Variants in VPS13D observed in about 807,000 individuals in gnomAD.
VPS13D encodes the protein intermembrane lipid transfer protein VPS13D.
In VPS13D, 187 loss-of-function variants were observed where a neutral mutation model predicts 461.9. That is an observed-to-expected ratio of 0.40 (90% confidence interval 0.36 to 0.46). VPS13D has a LOEUF of 0.46. Ranked by LOEUF, VPS13D falls within the 20% of genes least tolerant of loss-of-function variation. The pLI is 0.60. For missense variants in VPS13D, 4,711 were observed against 5,364.9 expected (o/e 0.88, Z 3.81); for synonymous variants, 1,951 against 1,986.3 (o/e 0.98, Z 0.47).
At chr1:12,490,809 G>A (rs1184915197) in intron 67 of VPS13D, among the ~76,000 whole-genome samples, 1 of 151,860 alleles carries the variant, frequency 6.6e-6, no homozygotes, top group Non-Finnish European at 1.5e-5. Flanking sequence ...GGGAGCTACA[G>A]GTCCAAGACA....
chr1:12,308,414 T>G lies in VPS13D; in HGVS notation c.6440-17T>G. 6.2e-7 allele frequency: 1 copy of G among 1,613,930 alleles called. No individual in the cohort carries two copies. ...TCCCCTTTTCTTCATTACCTCTCTTTCCTTGGGTCCTTGTAGAAGACCATG... is the reference window on the plus strand; with the variant it reads ...TCCCCTTTTCTTCATTACCTCTCTTGCCTTGGGTCCTTGTAGAAGACCATG... On this transcript the variant is annotated splice_polypyrimidine_tract_variant and intron_variant, in intron 26 of 69. Coordinates refer to ENST00000620676, the MANE Select transcript of VPS13D (RefSeq NM_015378.4).
At chr1:12,399,532 A>G (rs1479298926) in intron 60 of VPS13D, among the ~76,000 whole-genome samples, 1 of 151,910 alleles carries the variant, frequency 6.6e-6, no homozygotes, top group Admixed American at 6.6e-5. Context: ...AAAATTGTGT[A>G]TAGTTGGCTG....
chr1:12,269,956 G>C (rs2101329448), intron 16 of VPS13D, among the ~76,000 whole-genome samples: 1 of 152,104 alleles, frequency 6.6e-6, no homozygotes, highest in Non-Finnish European at 1.5e-5. Flanking sequence ...AGACTAGCCT[G>C]GGCAACATAG....
chr1:12,349,709 A>C (rs765345923), intron 46 of VPS13D, among the ~76,000 whole-genome samples: 3 of 152,210 alleles, frequency 2.0e-5, no homozygotes, highest in Non-Finnish European at 4.4e-5. Context: ...TCATTCCAAA[A>C]TTGGAAAGCA....
At chr1:12,263,797 A>C (rs235209) in intron 13 of VPS13D, among the ~76,000 whole-genome samples, 3 of 152,210 alleles carry the variant, frequency 2.0e-5, no homozygotes, top group African/African-American at 7.2e-5. Context: ...TGAATTGAAA[A>C]GGCACTATTT....
chr1:12,392,600 C>T (rs754553401), intron 60 of VPS13D, among the ~76,000 whole-genome samples: 3 of 150,694 alleles, frequency 2.0e-5, no homozygotes, highest in Non-Finnish European at 2.9e-5. Flanking sequence ...GTTCAGGTTG[C>T]GTGGTGACTT....
At chr1:12,339,007 G>A (rs1227498618) in intron 40 of VPS13D, among the ~76,000 whole-genome samples, 1 of 151,938 alleles carries the variant, frequency 6.6e-6, no homozygotes, top group Non-Finnish European at 1.5e-5. Context: ...CAGATTATTC[G>A]TCATGATTTT....
intron 50 of VPS13D, among the ~76,000 whole-genome samples, chr1:12,359,649 C>G (rs1007295782): frequency 3.9e-5 from 6 of 152,106 alleles, no homozygotes; most frequent in Non-Finnish European, 8.8e-5. Context: ...CATGGAGAAT[C>G]AAAGATATGT....
chr1:12,504,452 C>T (rs1313906475), intron 68 of VPS13D, among the ~76,000 whole-genome samples: 1 of 152,228 alleles, frequency 6.6e-6, no homozygotes. Context: ...CCTGGACTTA[C>T]AGGACAGAGA....
chr1:12,432,299 A>G (rs560947488), intron 65 of VPS13D, among the ~76,000 whole-genome samples: 29 of 151,878 alleles, frequency 1.9e-4, no homozygotes, highest in African/African-American at 6.8e-4. Context: ...AGGCTGAGGC[A>G]GGAGAGTCGC....
Position 12,279,981 on chromosome 1 carries a change from C to T in VPS13D, c.4602+331C>T, listed in dbSNP as rs1471041865. Among the ~76,000 whole-genome samples, 1 of 152,170 alleles carries T rather than the reference C, an allele frequency of 6.6e-6. No individual in the cohort carries two copies. The highest frequency in any genetic ancestry group is 1.5e-5 in the Non-Finnish European group (1 of 68,026). ...CCAGGAGGATATCATTCTTGTCACA[C>T]TTAGACATACTTAACACAGCCAGTG... On this transcript the variant is annotated intron_variant, in intron 20 of 69. Coordinates refer to ENST00000620676, the MANE Select transcript of VPS13D (RefSeq NM_015378.4). The surrounding 1 kb of genome is among the most constrained non-coding windows in gnomAD (Gnocchi z 4.3).
At position 12,276,683 on chromosome 1, in the gene VPS13D, C is replaced by A; in HGVS notation, c.3095C>A (p.Thr1032Lys). Residue 1032 changes from threonine (T) to lysine (K), a missense_variant, in exon 19 of 70, where the codon ACG becomes AAG. This residue lies in a region of VPS13D where 4,411 missense variants were observed against 4,937.8 expected (regional missense o/e 0.89). Transcript: ENST00000620676. This position sits in a 1 kb window ranked among gnomAD's most constrained non-coding sequence, Gnocchi z 4.5. ...SHKNLSFDIPTGSLRDSRAQS... is the reference protein window; with the variant it reads ...SHKNLSFDIPKGSLRDSRAQS... ...AAGAACTTGAGCTTTGATATTCCAA[C>A]GGGAAGCCTTCGGGATAGCAGGGCC... 6.2e-7 allele frequency: 1 copy of A among 1,614,146 alleles called. No individual in the cohort carries two copies. The highest frequency in any genetic ancestry group is 8.5e-7 in the Non-Finnish European group (1 of 1,180,030).
chr1:12,425,724 G>A (rs1170030656), intron 65 of VPS13D, among the ~76,000 whole-genome samples: 2 of 151,956 alleles, frequency 1.3e-5, no homozygotes, highest in East Asian at 3.9e-4. Context: ...AGGGAGGGAG[G>A]GAGGGAAGGA....
At chr1:12,278,059 G>T (rs368828920) in intron 19 of VPS13D, 21 bp downstream of exon 19, 1 of 1,576,304 alleles carries the variant, frequency 6.3e-7, no homozygotes, top group South Asian at 1.2e-5. Context: ...TCAGTCTTTT[G>T]TTCTATTTTG....
rs72868217 is a variant in VPS13D, at chr1:12,352,455, G to C, written c.9432-1519G>C. On this transcript the variant is annotated intron_variant, in intron 46 of 69. Transcript: ENST00000620676. ...GACAATTTACAGAAGAAAATACCCA[G>C]CCAATAGACAAATGGAAAGATGCTC... Among the ~76,000 whole-genome samples, 716 of 152,248 alleles carry C rather than the reference G, an allele frequency of 4.7e-3. 5 individuals carry two copies. The highest frequency in any genetic ancestry group is 0.016 in the African/African-American group (676 of 41,560).
rs1642633512 is a variant in VPS13D at position 12,308,483 on chromosome 1, C to T, written c.6492C>T (p.Asp2164=). ...TTGTCGTGGATCTCCAGGACATGGA[C>T]ATCTTTGCTGCAGAGAGACATCCGA... ...DCVVVDLQDM[D]IFAAERHPRE... is the part of the protein sequence containing the mutation. Residue 2164 remains aspartate (D), a synonymous_variant, in exon 27 of 70, where the codon GAC becomes GAT. Coordinates refer to ENST00000620676, the MANE Select transcript of VPS13D (RefSeq NM_015378.4). The T allele has an allele frequency of 2.5e-6, 4 of 1,614,112 alleles. No individual in the cohort carries two copies. The highest frequency in any genetic ancestry group is 3.4e-6 in the Non-Finnish European group (4 of 1,180,026).
chr1:12,399,486 C>T (rs964928308), intron 60 of VPS13D, among the ~76,000 whole-genome samples: 3 of 152,024 alleles, frequency 2.0e-5, no homozygotes, highest in Admixed American at 6.5e-5. Context: ...TGAGCCACTG[C>T]GCCTGGCCAG....
Position 12,344,386 on chromosome 1 carries a change from C to T in VPS13D, c.8886-988C>T, listed in dbSNP as rs571787366. The stretch of plus-strand genomic sequence containing the variant: ...ATTCCCAAGAAGCAAGAGTTCTGAA[C>T]GTGTGGGTCTCCAGGGATTTTATAG... On this transcript the variant is annotated intron_variant, in intron 42 of 69. Transcript: ENST00000620676. 1.2e-4 allele frequency among the ~76,000 whole-genome samples: 18 copies of T among 152,086 alleles called. No individual in the cohort carries two copies. The South Asian group carries it at 2.5e-3, about 21-fold the overall frequency.
intron 2 of VPS13D, among the ~76,000 whole-genome samples, chr1:12,234,808 A>T (rs1640094863): frequency 6.6e-6 from 1 of 152,244 alleles, no homozygotes; most frequent in East Asian, 1.9e-4. Flanking sequence ...TTAAGGATCA[A>T]CTGGAATAAC....
Sources: allele counts gnomAD v4.1 joint callset (sites outside exome capture counted in the v4.1 genomes callset), GRCh38; gene constraint gnomAD v4.1.1; regional missense constraint gnomAD v4.1.1; non-coding constraint Gnocchi (gnomAD v3.1); transcripts MANE v1.5; gene names NCBI Gene and HGNC (gene_info 2026-07-23, HGNC 2026-07-21).